PDZRN3: variants seen among roughly 807,000 people sequenced by gnomAD.
The protein encoded by PDZRN3 is E3 ubiquitin-protein ligase PDZRN3.
PDZRN3 carries 38 observed loss-of-function variants against 85.7 expected under a neutral mutation model. The observed-to-expected ratio is 0.44, with a 90% CI of 0.34 to 0.58. PDZRN3 has a LOEUF of 0.58. Among genes scored for constraint, PDZRN3 ranks in the 20% least tolerant of loss-of-function variants. The pLI, the probability that PDZRN3 is intolerant of heterozygous loss-of-function variation, is 0.01. For missense variants in PDZRN3, 1,629 were observed against 1,506.4 expected (o/e 1.08, Z -1.35); for synonymous variants, 759 against 638.0 (o/e 1.19, Z -2.86).
chr3:73,551,958 C>T (rs1701570048), intron 3 of PDZRN3, among the ~76,000 whole-genome samples: 1 of 152,204 alleles, frequency 6.6e-6, no homozygotes, highest in African/African-American at 2.4e-5. Flanking sequence ...TGCCACACTG[C>T]TAGGCAGTGG....
chr3:73,592,417 A>C (rs1702371670), intron 3 of PDZRN3, among the ~76,000 whole-genome samples: 1 of 151,930 alleles, frequency 6.6e-6, no homozygotes, highest in African/African-American at 2.4e-5. Flanking sequence ...TTAGGCTTTG[A>C]GTTCTCCCGA....
At chr3:73,385,079 G>GA in intron 9 of PDZRN3, 149 bp from the exon 10 acceptor site, 7 of 852,646 alleles carry the variant, frequency 8.2e-6, no homozygotes, top group South Asian at 1.8e-5. Flanking sequence ...CACGTCAATA[G>GA]CGTGGGCCTT....
intron 3 of PDZRN3, among the ~76,000 whole-genome samples, chr3:73,521,644 G>C (rs1704368724): frequency 6.6e-6 from 1 of 152,158 alleles, no homozygotes; most frequent in South Asian, 2.1e-4. Flanking sequence ...ACACTCTGCT[G>C]TAAGTCTAAA....
intron 3 of PDZRN3, among the ~76,000 whole-genome samples, chr3:73,550,731 T>C (rs1253281312): frequency 6.6e-6 from 1 of 152,190 alleles, no homozygotes; most frequent in East Asian, 1.9e-4. Flanking sequence ...ATATCAGGTT[T>C]GTGAATTATA....
At chr3:73,532,382 G>A (rs921054136) in intron 3 of PDZRN3, among the ~76,000 whole-genome samples, 1 of 152,172 alleles carries the variant, frequency 6.6e-6, no homozygotes, top group African/African-American at 2.4e-5. Context: ...ACCAACTGCG[G>A]AGATACTCCC....
chr3:73,406,154 G>A (rs1256318467), intron 3 of PDZRN3, among the ~76,000 whole-genome samples: 2 of 152,206 alleles, frequency 1.3e-5, no homozygotes, highest in Admixed American at 1.3e-4. Flanking sequence ...GGAACTGTCT[G>A]AACCACCAAA....
chr3:73,583,478 T>C (rs1702230006), intron 3 of PDZRN3, among the ~76,000 whole-genome samples: 1 of 152,190 alleles, frequency 6.6e-6, no homozygotes, highest in Non-Finnish European at 1.5e-5. Context: ...TGGGAACATA[T>C]GCATGAACTC....
chr3:73,597,128 T>C (rs1298643876), intron 3 of PDZRN3, among the ~76,000 whole-genome samples: 1 of 152,200 alleles, frequency 6.6e-6, no homozygotes, highest in Non-Finnish European at 1.5e-5. Context: ...AAATAAATAC[T>C]CCAGCTTAAT....
intron 3 of PDZRN3, among the ~76,000 whole-genome samples, chr3:73,431,935 G>A (rs1458771073): frequency 6.6e-6 from 1 of 152,204 alleles, no homozygotes; most frequent in Admixed American, 6.5e-5. Flanking sequence ...AGATTTGCCA[G>A]AGATGTAGTA....
chr3:73,491,498 G>A (rs1239572585), intron 3 of PDZRN3, among the ~76,000 whole-genome samples: 2 of 151,682 alleles, frequency 1.3e-5, no homozygotes, highest in Non-Finnish European at 2.9e-5. Flanking sequence ...ACTGAGAGGA[G>A]TATGAGGTCA....
chr3:73,470,224 AAAG>A lies in PDZRN3; in HGVS notation c.919-65832_919-65830del, dbSNP rs144994564. On this transcript the variant is annotated intron_variant, in intron 3 of 9. Transcript: ENST00000263666. ...ATAGCTACCAGTTGTGAATAATTTAAAAGAAGCATTTTTATATTTTTAATCGTG... is the reference window on the plus strand; with the variant it reads ...ATAGCTACCAGTTGTGAATAATTTAAAAGCATTTTTATATTTTTAATCGTG... 9.1e-4 allele frequency among the ~76,000 whole-genome samples: 138 copies of A among 152,368 alleles called. 1 individual carries two copies. In the East Asian group the frequency reaches 0.023, roughly 26 times the overall value.
Position 73,617,985 on chromosome 3 carries a change from C to T in PDZRN3, c.723+6118G>A, listed in dbSNP as rs12638343. On this transcript the variant is annotated intron_variant, in intron 1 of 9. Coordinates refer to ENST00000263666, the MANE Select transcript of PDZRN3 (RefSeq NM_015009.3). ...CCTCCCAAACTGCTGAGATTACAGG[C>T]GTGAGCCACCATGCCCAGCCTAAAT... is the stretch of plus-strand genomic sequence containing the variant. Among the ~76,000 whole-genome samples, 26 of 152,348 alleles carry T rather than the reference C, an allele frequency of 1.7e-4. No homozygotes were observed. The East Asian group carries it at 4.2e-3, about 25-fold the overall frequency.
intron 2 of PDZRN3, among the ~76,000 whole-genome samples, chr3:73,603,394 A>C (rs1408902483): frequency 6.6e-6 from 1 of 152,114 alleles, no homozygotes; most frequent in Non-Finnish European, 1.5e-5. Flanking sequence ...CTCATAAAAA[A>C]CCCTCACAGC....
intron 3 of PDZRN3, chr3:73,569,100 C>T: frequency 8.7e-7 from 1 of 1,152,882 alleles, no homozygotes; most frequent in Non-Finnish European, 1.2e-6. Flanking sequence ...GAACTTTGAA[C>T]CCAGCTCACC....
intron 3 of PDZRN3, among the ~76,000 whole-genome samples, chr3:73,553,729 G>A (rs756259218): frequency 2.0e-4 from 30 of 152,274 alleles, no homozygotes; most frequent in Admixed American, 2.6e-4. Flanking sequence ...TTCAGAACAC[G>A]CAGGAAGAAA....
chr3:73,568,176 C>T (rs1339556302), intron 3 of PDZRN3, among the ~76,000 whole-genome samples: 1 of 152,136 alleles, frequency 6.6e-6, no homozygotes, highest in Non-Finnish European at 1.5e-5. Flanking sequence ...ACCAAAGCCA[C>T]AAGCCACCTC....
chr3:73,523,482 T>C (rs79737316), intron 3 of PDZRN3, among the ~76,000 whole-genome samples: 2,940 of 152,306 alleles, frequency 0.019, 90 homozygotes, highest in African/African-American at 0.066. Flanking sequence ...CATTAATATA[T>C]GTACATACAT....
chr3:73,412,755 T>A (rs1398176490), intron 3 of PDZRN3, among the ~76,000 whole-genome samples: 1 of 152,210 alleles, frequency 6.6e-6, no homozygotes, highest in East Asian at 1.9e-4. Flanking sequence ...AGGCTCTGCA[T>A]AGAAAGTAGT....
chr3:73,600,819 G>A (rs1021410754), intron 3 of PDZRN3, among the ~76,000 whole-genome samples: 5 of 152,130 alleles, frequency 3.3e-5, no homozygotes, highest in African/African-American at 1.2e-4. Flanking sequence ...TCTCAAAAAA[G>A]ACAGTAAGTA....
Sources: allele counts gnomAD v4.1 joint callset (sites outside exome capture counted in the v4.1 genomes callset), GRCh38; gene constraint gnomAD v4.1.1; transcripts MANE v1.5; gene names NCBI Gene and HGNC (gene_info 2026-07-23, HGNC 2026-07-21).